Variants in LRRC4C observed in about 807,000 individuals in gnomAD.
The protein encoded by LRRC4C is leucine rich repeat containing 4C.
Under a neutral mutation model 33.6 loss-of-function variants are expected in LRRC4C, and 5 were observed. The observed-to-expected ratio is 0.15, with a 90% CI of 0.08 to 0.31. The LOEUF (loss-of-function observed/expected upper bound fraction) is 0.31, where lower values mean the gene tolerates loss of function less well. Among genes scored for constraint, LRRC4C ranks in the 10% least tolerant of loss-of-function variants. The probability of loss-of-function intolerance (pLI) is 1.00; values close to 1 mark genes in which losing one functional copy is unlikely to be tolerated. For synonymous variants in LRRC4C, 329 were observed against 302.0 expected (o/e 1.09, Z -0.93); for missense variants, 560 against 796.7 (o/e 0.70, Z 3.58).
At chr11:41,276,765 C>T (rs778397104) in intron 1 of LRRC4C, among the ~76,000 whole-genome samples, 2 of 152,014 alleles carry the variant, frequency 1.3e-5, no homozygotes, top group Non-Finnish European at 2.9e-5. Flanking sequence ...CACAAGGATC[C>T]TTACAGGGGA....
intron 1 of LRRC4C, among the ~76,000 whole-genome samples, chr11:40,998,820 G>A (rs1348025343): frequency 6.6e-6 from 1 of 152,094 alleles, no homozygotes; most frequent in African/African-American, 2.4e-5. Flanking sequence ...AATGTACTGA[G>A]GAGAGATTTT....
At chr11:40,479,906 T>A (rs1167279526) in intron 3 of LRRC4C, among the ~76,000 whole-genome samples, 1 of 152,218 alleles carries the variant, frequency 6.6e-6, no homozygotes, top group Non-Finnish European at 1.5e-5. Context: ...TTTCTGCATT[T>A]GTATAACAAA....
chr11:41,213,694 C>T (rs1946918074), intron 1 of LRRC4C, among the ~76,000 whole-genome samples: 1 of 152,176 alleles, frequency 6.6e-6, no homozygotes, highest in South Asian at 2.1e-4. Context: ...CATGTTATAA[C>T]AGATAAAGTG....
chr11:41,069,161 A>G (rs1938491429), intron 1 of LRRC4C, among the ~76,000 whole-genome samples: 1 of 152,210 alleles, frequency 6.6e-6, no homozygotes, highest in Non-Finnish European at 1.5e-5. Flanking sequence ...AGAACCAATG[A>G]CAAAAAACAC....
At chr11:40,360,866 T>C (rs539207067) in intron 3 of LRRC4C, among the ~76,000 whole-genome samples, 1 of 152,288 alleles carries the variant, frequency 6.6e-6, no homozygotes, top group East Asian at 1.9e-4. Flanking sequence ...TAGTGGCAAG[T>C]TGAATCTAGC....
chr11:41,397,307 T>G (rs1444585850), intron 1 of LRRC4C, among the ~76,000 whole-genome samples: 1 of 151,908 alleles, frequency 6.6e-6, no homozygotes, highest in Non-Finnish European at 1.5e-5. Flanking sequence ...CACTGAAACA[T>G]CAAGGCCAAC....
chr11:40,912,652 A>G (rs1213874352), intron 2 of LRRC4C, among the ~76,000 whole-genome samples: 3 of 152,172 alleles, frequency 2.0e-5, no homozygotes, highest in African/African-American at 7.2e-5. Context: ...CGAGCAAAAT[A>G]ACCAGCTAAC....
At chr11:40,647,419 G>A (rs10837455) in intron 3 of LRRC4C, among the ~76,000 whole-genome samples, 57,250 of 151,898 alleles carry the variant, frequency 0.38, 11,852 homozygotes, top group East Asian at 0.61. Flanking sequence ...GTTTTGCAGA[G>A]CTGATGGCTT....
intron 1 of LRRC4C, among the ~76,000 whole-genome samples, chr11:41,273,481 A>G (rs1949383606): frequency 6.6e-6 from 1 of 152,204 alleles, no homozygotes; most frequent in Non-Finnish European, 1.5e-5. Context: ...GCTAAATGAA[A>G]TAAGCCATTC....
At chr11:40,985,005 G>A (rs182747536) in intron 1 of LRRC4C, among the ~76,000 whole-genome samples, 2 of 143,832 alleles carry the variant, frequency 1.4e-5, no homozygotes, top group Admixed American at 1.5e-4. Flanking sequence ...AGGTTCAAGC[G>A]ATTCTCCTGC....
chr11:41,093,721 C>A (rs1845546933), intron 1 of LRRC4C, among the ~76,000 whole-genome samples: 1 of 151,948 alleles, frequency 6.6e-6, no homozygotes, highest in South Asian at 2.1e-4. Context: ...CATTTACCTG[C>A]ATATAATGAG....
At chr11:40,238,588 C>A in intron 5 of LRRC4C, among the ~76,000 whole-genome samples, 1 of 152,098 alleles carries the variant, frequency 6.6e-6, no homozygotes, top group Non-Finnish European at 1.5e-5. Context: ...TATGACCAGC[C>A]AATACTCCAG....
At chr11:41,064,783 A>G (rs1938086850) in intron 1 of LRRC4C, among the ~76,000 whole-genome samples, 1 of 152,230 alleles carries the variant, frequency 6.6e-6, no homozygotes, top group Non-Finnish European at 1.5e-5. Context: ...GAGCAGAAGC[A>G]GGGTGGGGCA....
At chr11:41,255,838 C>T (rs1254618277) in intron 1 of LRRC4C, among the ~76,000 whole-genome samples, 1 of 151,970 alleles carries the variant, frequency 6.6e-6, no homozygotes, top group Non-Finnish European at 1.5e-5. Flanking sequence ...GTGGGAATGC[C>T]TTGATTCTCT....
chr11:40,727,664 G>C (rs905336283), intron 2 of LRRC4C, among the ~76,000 whole-genome samples: 1 of 152,068 alleles, frequency 6.6e-6, no homozygotes, highest in Non-Finnish European at 1.5e-5. Context: ...ATTCAACAGA[G>C]GATCGATATC....
At position 40,900,634 on chromosome 11, in the gene LRRC4C, T is replaced by C. The variant is rs186932503; in HGVS notation, c.-407+33001A>G. Among the ~76,000 whole-genome samples the C allele has an allele frequency of 6.6e-5, 10 of 151,864 alleles. 1 individual carries two copies. In the East Asian group the frequency reaches 1.2e-3, roughly 18 times the overall value. ...TGACAATGCTAATATTTATAATATATATAAAATATTTTGGAAGAACTATAT... is the reference window on the plus strand; with the variant it reads ...TGACAATGCTAATATTTATAATATACATAAAATATTTTGGAAGAACTATAT... On this transcript the variant is annotated intron_variant, in intron 2 of 6. Transcript: ENST00000528697.
At chr11:40,955,868 C>T (rs774151743) in intron 1 of LRRC4C, among the ~76,000 whole-genome samples, 7 of 151,774 alleles carry the variant, frequency 4.6e-5, no homozygotes, top group Non-Finnish European at 1.0e-4. Flanking sequence ...TAGAAAAACT[C>T]ATACATTCCA....
intron 3 of LRRC4C, among the ~76,000 whole-genome samples, chr11:40,428,713 T>G (rs1950805839): frequency 6.6e-6 from 1 of 152,230 alleles, no homozygotes; most frequent in Admixed American, 6.5e-5. Flanking sequence ...CATTCCTCAC[T>G]CTTAGCTCAG....
intron 5 of LRRC4C, among the ~76,000 whole-genome samples, chr11:40,157,019 A>G (rs903987384): frequency 6.6e-6 from 1 of 152,330 alleles, no homozygotes; most frequent in Non-Finnish European, 1.5e-5. Flanking sequence ...AAACTTCACT[A>G]TAAGGCCATA....
Sources: allele counts gnomAD v4.1 joint callset (sites outside exome capture counted in the v4.1 genomes callset), GRCh38; gene constraint gnomAD v4.1.1; transcripts MANE v1.5; gene names NCBI Gene and HGNC (gene_info 2026-07-23, HGNC 2026-07-21).